CRY1: variants seen among roughly 807,000 people sequenced by gnomAD.
CRY1 encodes the protein cryptochrome circadian regulator 1, also known as cryptochrome-1.
Under a neutral mutation model 76.0 loss-of-function variants are expected in CRY1, and 45 were observed. That is an observed-to-expected ratio of 0.59 (90% confidence interval 0.47 to 0.76). The LOEUF is 0.76. Among genes scored for constraint, CRY1 ranks in the 30% least tolerant of loss-of-function variants. The pLI, the probability that CRY1 is intolerant of heterozygous loss-of-function variation, is 0.00. For missense variants in CRY1, 587 were observed against 716.4 expected, an observed-to-expected ratio of 0.82 and a Z score of 2.06; for synonymous variants, 248 against 244.0, an observed-to-expected ratio of 1.02 and a Z score of -0.15.
At chr12:107,008,071 A>G (rs1194399459) in intron 2 of CRY1, among the ~76,000 whole-genome samples, 1 of 152,220 alleles carries the variant, frequency 6.6e-6, no homozygotes, top group Non-Finnish European at 1.5e-5. Flanking sequence ...TTACCTACTC[A>G]ATCATAAGCA....
chr12:107,015,444 A>T (rs1389875686), intron 2 of CRY1, among the ~76,000 whole-genome samples: 1 of 150,362 alleles, frequency 6.7e-6, no homozygotes, highest in Admixed American at 6.6e-5. Context: ...GGTTCAAGTG[A>T]TCATCCCTCC....
intron 1 of CRY1, chr12:107,049,768 T>C (rs10746080): frequency 0.51 from 76,845 of 151,798 alleles, 20,308 homozygotes; most frequent in East Asian, 0.72. Flanking sequence ...TTAGTATACA[T>C]ACCTGGTGTT....
At chr12:107,080,445 C>T (rs1314488508) in intron 1 of CRY1, among the ~76,000 whole-genome samples, 7 of 151,830 alleles carry the variant, frequency 4.6e-5, no homozygotes, top group Non-Finnish European at 2.9e-5. Flanking sequence ...TGGTAACGGA[C>T]TTTATGAGAG....
At chr12:107,088,655 C>T (rs929031895) in intron 1 of CRY1, among the ~76,000 whole-genome samples, 2 of 152,172 alleles carry the variant, frequency 1.3e-5, no homozygotes, top group African/African-American at 4.8e-5. Flanking sequence ...TTATAAACTA[C>T]CTAGTCTAAA....
Position 106,999,950 on chromosome 12 carries a change from A to T in CRY1, c.817T>A (p.Tyr273Asn). Residue 273 changes from tyrosine to asparagine, a missense_variant, in exon 6 of 13, where the codon TAC becomes AAC. Tyr to Asn is a moderately radical substitution (Grantham distance 143). Transcript: ENST00000008527. Reference protein sequence around the residue: ...RLFYFKLTDLYKKVKKNSSPP... With the variant: ...RLFYFKLTDLNKKVKKNSSPP... ...CTAATTTTAGAGAATACCTTTTTGT[A>T]GAGATCTGTTAGTTTGAAGTAAAAC... 2.5e-6 allele frequency: 4 copies of T among 1,604,924 alleles called. No homozygotes were observed. The highest frequency in any genetic ancestry group is 3.4e-6 in the Non-Finnish European group (4 of 1,177,904).
intron 1 of CRY1, among the ~76,000 whole-genome samples, chr12:107,063,778 A>G (rs1002635235): frequency 6.6e-6 from 1 of 152,004 alleles, no homozygotes; most frequent in African/African-American, 2.4e-5. Flanking sequence ...TTGTACTTTT[A>G]GTAGATACAG....
At chr12:107,041,882 A>G (rs1208723329) in intron 1 of CRY1, among the ~76,000 whole-genome samples, 1 of 152,148 alleles carries the variant, frequency 6.6e-6, no homozygotes, top group Non-Finnish European at 1.5e-5. Flanking sequence ...ATCGTCCCCC[A>G]ATAAGAATAA....
At chr12:107,079,637 C>T (rs1953298528) in intron 1 of CRY1, among the ~76,000 whole-genome samples, 1 of 152,094 alleles carries the variant, frequency 6.6e-6, no homozygotes, top group African/African-American at 2.4e-5. Context: ...GAATACTGTG[C>T]CTTTCCTTAA....
chr12:107,041,751 T>A (rs1245233387), intron 1 of CRY1, among the ~76,000 whole-genome samples: 1 of 148,378 alleles, frequency 6.7e-6, no homozygotes, highest in Non-Finnish European at 1.5e-5. Context: ...CTAGATGAAT[T>A]CAAGTTTTTC....
At chr12:107,035,459 T>G (rs888282208) in intron 1 of CRY1, among the ~76,000 whole-genome samples, 12 of 152,218 alleles carry the variant, frequency 7.9e-5, no homozygotes, top group Non-Finnish European at 8.8e-5. Flanking sequence ...TAATGATGAT[T>G]ACAGCTGCAA....
chr12:107,059,556 A>G (rs1490326146), intron 1 of CRY1, among the ~76,000 whole-genome samples: 3 of 151,766 alleles, frequency 2.0e-5, no homozygotes, highest in Non-Finnish European at 2.9e-5. Context: ...CCTGATCATG[A>G]ATACAGGTTT....
chr12:107,058,291 C>T (rs890225527), intron 1 of CRY1, among the ~76,000 whole-genome samples: 7 of 151,872 alleles, frequency 4.6e-5, no homozygotes, highest in Non-Finnish European at 7.4e-5. Context: ...GACACAGATG[C>T]ACACACACAC....
chr12:107,060,105 T>C (rs1953029546), intron 1 of CRY1, among the ~76,000 whole-genome samples: 1 of 152,218 alleles, frequency 6.6e-6, no homozygotes, highest in Non-Finnish European at 1.5e-5. Flanking sequence ...TACATTTTAC[T>C]GAGTATAATT....
At chr12:107,069,468 A>G (rs2136890594) in intron 1 of CRY1, among the ~76,000 whole-genome samples, 1 of 147,914 alleles carries the variant, frequency 6.8e-6, no homozygotes, top group Non-Finnish European at 1.5e-5. Context: ...TTTGTTTTGC[A>G]TTTTCCTAAT....
chr12:107,008,343 T>C (rs535371576), intron 2 of CRY1, among the ~76,000 whole-genome samples: 1 of 152,368 alleles, frequency 6.6e-6, no homozygotes, highest in East Asian at 1.9e-4. Context: ...TAAGTATTTA[T>C]TATAATTCTA....
intron 1 of CRY1, among the ~76,000 whole-genome samples, chr12:107,060,552 T>C (rs751351269): frequency 3.3e-5 from 5 of 152,180 alleles, no homozygotes; most frequent in Non-Finnish European, 5.9e-5. Context: ...TAAGATAGTA[T>C]TATCTCCATT....
At chr12:107,018,770 A>G (rs748913845) in intron 2 of CRY1, among the ~76,000 whole-genome samples, 18 of 152,194 alleles carry the variant, frequency 1.2e-4, no homozygotes, top group Non-Finnish European at 2.2e-4. Flanking sequence ...TCAGAGTTTA[A>G]CTTAGAAAAG....
At chr12:106,997,799 C>T in intron 8 of CRY1, 109 bp from the exon 9 acceptor site, 7 of 1,524,744 alleles carry the variant, frequency 4.6e-6, no homozygotes, top group South Asian at 2.4e-5. Flanking sequence ...GATCTGTTTA[C>T]CCTTCTCATC....
intron 1 of CRY1, among the ~76,000 whole-genome samples, chr12:107,081,786 T>G (rs1307992513): frequency 2.6e-5 from 4 of 151,940 alleles, no homozygotes. Context: ...TATTAAGAGG[T>G]GGGGCATTTA....
Sources: gnomAD v4.1 joint callset for allele counts (sites outside exome capture counted in the v4.1 genomes callset) on GRCh38, gnomAD v4.1.1 for gene constraint, MANE v1.5 for transcripts, NCBI Gene and HGNC (gene_info 2026-07-23, HGNC 2026-07-21) for gene names.